The following TMF1 variants were observed in gnomAD, a reference collection of about 807,000 sequenced individuals.
The protein encoded by TMF1 is TATA element modulatory factor.
In TMF1, 71 loss-of-function variants were observed where a neutral mutation model predicts 126.5. That is an observed-to-expected ratio of 0.56 (90% confidence interval 0.46 to 0.68). TMF1 has a LOEUF of 0.68. Ranked by LOEUF, TMF1 falls within the 30% of genes least tolerant of loss-of-function variation. TMF1 has a pLI of 0.00. For synonymous variants in TMF1, 461 were observed against 430.5 expected (o/e 1.07, Z -0.88); for missense variants, 1,259 against 1,253.2 (o/e 1.00, Z -0.07).
At chr3:69,050,662 C>A (rs1325407163) in intron 1 of TMF1, among the ~76,000 whole-genome samples, 3 of 152,138 alleles carry the variant, frequency 2.0e-5, no homozygotes, top group Non-Finnish European at 2.9e-5. Context: ...TATGAAAAAA[C>A]AGAGTTACTC....
In TMF1 at chr3:69,021,867, G is replaced by C. The variant is rs1006280408; in HGVS notation, c.*1310C>G. 1 of 152,170 alleles carries C rather than the reference G, an allele frequency of 6.6e-6. No individual in the cohort carries two copies. Among genetic ancestry groups the C allele is most frequent in the African/African-American group, 2.4e-5 (1 of 41,426 alleles). 9.4% of individuals were successfully genotyped at this position (152,170 alleles called of 1,614,324 possible). A position where few individuals can be genotyped will look rare whatever the true frequency, so the allele number is the denominator to read the frequency against. ...GGCTAATTTTTGTATTTTTAGTAGA[G>C]ATGGGGTTTCACCAAACTGCTGGCC... On this transcript the variant is annotated 3_prime_UTR_variant, in exon 17 of 17. Transcript: ENST00000398559.
chr3:69,027,758 A>G, intron 13 of TMF1, 142 bp downstream of exon 13: 1 of 481,860 alleles, frequency 2.1e-6, no homozygotes, highest in Non-Finnish European at 3.7e-6. Flanking sequence ...GCTTCATTCA[A>G]AATCATCCTG....
In TMF1 at chr3:69,042,574, T is replaced by C. The variant is rs2091873178; in HGVS notation, c.1684+233A>G. On this transcript the variant is annotated intron_variant, in intron 5 of 16. Transcript: ENST00000398559. ...GGGCAGCACAAATTTCTGTCTATTT[T>C]ACAGGGACTTACTTTTCTTTTTACT... 3.2e-6 allele frequency: 2 copies of C among 620,724 alleles called. 1 individual carries two copies. Among genetic ancestry groups the C allele is most frequent in the Non-Finnish European group, 6.0e-6 (2 of 335,096 alleles). The allele number at this position is 620,724 out of a possible 1,614,324, so 38.5% of individuals were successfully genotyped here. A position where few individuals can be genotyped will look rare whatever the true frequency, so the allele number is the denominator to read the frequency against.
At chr3:69,043,663 T>C (rs2091879707) in intron 4 of TMF1, 87 bp downstream of exon 4, 1 of 1,276,872 alleles carries the variant, frequency 7.8e-7, no homozygotes, top group East Asian at 2.5e-5. Context: ...ACTTCTCTTT[T>C]TTCCAATATC....
At chr3:69,033,837 T>G (rs1485378679) in intron 9 of TMF1, 133 bp from the exon 10 acceptor site, 1 of 864,624 alleles carries the variant, frequency 1.2e-6, no homozygotes, top group Non-Finnish European at 1.7e-6. Flanking sequence ...TTAATTATTA[T>G]TATTAATTTT....
chr3:69,047,545 G>C lies in TMF1; in HGVS notation c.1160C>G (p.Pro387Arg). Reference protein sequence around the residue: ...SEEVNETLVIPTEEAEMEESG... With the variant: ...SEEVNETLVIRTEEAEMEESG... The stretch of plus-strand genomic sequence containing the variant: ...TTCTTCCATTTCTGCTTCCTCAGTG[G>C]GTATAACTAATGTTTCATTTACTTC... The change falls in exon 2 of 17, where the codon CCC becomes CGC. Residue 387 changes from proline to arginine, a missense_variant. Coordinates refer to ENST00000398559, the MANE Select transcript of TMF1 (RefSeq NM_007114.3). 6.2e-7 allele frequency: 1 copy of C among 1,613,968 alleles called. No homozygotes were observed. Among genetic ancestry groups the C allele is most frequent in the Non-Finnish European group, 8.5e-7 (1 of 1,180,000 alleles).
chr3:69,034,693 CAG>C (rs2091823017), intron 9 of TMF1, among the ~76,000 whole-genome samples: 1 of 152,116 alleles, frequency 6.6e-6, no homozygotes, highest in African/African-American at 2.4e-5. Flanking sequence ...TGAAAATTAA[CAG>C]AGGCATAGAA....
intron 8 of TMF1, among the ~76,000 whole-genome samples, chr3:69,035,713 T>A (rs1308722413): frequency 6.6e-6 from 1 of 152,144 alleles, no homozygotes; most frequent in African/African-American, 2.4e-5. Flanking sequence ...GTTGCAAATG[T>A]CGATACAACA....
chr3:69,046,556 G>A (rs2091897218), intron 2 of TMF1, among the ~76,000 whole-genome samples: 1 of 152,078 alleles, frequency 6.6e-6, no homozygotes, highest in African/African-American at 2.4e-5. Flanking sequence ...GCACTTACAG[G>A]ACATTTCTTC....
At chr3:69,037,534 C>T (rs534785503) in intron 8 of TMF1, among the ~76,000 whole-genome samples, 18 of 152,142 alleles carry the variant, frequency 1.2e-4, no homozygotes, top group African/African-American at 4.1e-4. Flanking sequence ...CCCAGCTACT[C>T]GGGAGGCTGA....
intron 7 of TMF1, 43 bp downstream of exon 7, chr3:69,038,800 A>G (rs1027035493): frequency 1.9e-6 from 3 of 1,585,914 alleles, no homozygotes; most frequent in Non-Finnish European, 2.6e-6. Flanking sequence ...TCCTACTCTG[A>G]TAATTCATTC....
At chr3:69,023,399 C>T in intron 16 of TMF1, 79 bp from the exon 17 acceptor site, 1 of 1,122,532 alleles carries the variant, frequency 8.9e-7, no homozygotes, top group Non-Finnish European at 1.3e-6. Flanking sequence ...TAGGAGTCAA[C>T]AATGAAAACA....
chr3:69,030,639 C>T (rs1266209242), intron 10 of TMF1: 1 of 152,012 alleles, frequency 6.6e-6, no homozygotes, highest in Non-Finnish European at 1.5e-5. Context: ...ACAGAAATTT[C>T]ACCATAGAGA....
rs2091723798 is a variant in TMF1, at chr3:69,020,503, T to C, written c.*2674A>G. The C allele has an allele frequency of 6.6e-6, 1 of 152,186 alleles. No homozygotes were observed. Among genetic ancestry groups the C allele is most frequent in the Admixed American group, 6.5e-5 (1 of 15,288 alleles). 9.4% of individuals were successfully genotyped at this position (152,186 alleles called of 1,614,324 possible). A position where few individuals can be genotyped will look rare whatever the true frequency, so the allele number is the denominator to read the frequency against. ...TTGAAAATGTTATTTGCAGCTTTTTTCTTTCAAGAATGGAAACATCTAATT... is the reference window on the plus strand; with the variant it reads ...TTGAAAATGTTATTTGCAGCTTTTTCCTTTCAAGAATGGAAACATCTAATT... On this transcript the variant is annotated 3_prime_UTR_variant, in exon 17 of 17. Transcript: ENST00000398559.
At chr3:69,034,846 T>C (rs948836310) in intron 9 of TMF1, 177 bp downstream of exon 9, 1 of 611,268 alleles carries the variant, frequency 1.6e-6, no homozygotes, top group South Asian at 2.0e-5. Flanking sequence ...GGAATTTCCT[T>C]GTATAATTTT....
rs1312417216 is a variant in TMF1 at position 69,029,893 on chromosome 3, C to G, written c.2516G>C (p.Arg839Thr). 3 of 1,613,982 alleles carry G rather than the reference C, an allele frequency of 1.9e-6. No individual in the cohort carries two copies. The highest frequency in any genetic ancestry group is 2.7e-5 in the African/African-American group (2 of 74,918). ...SSMESQNSLL[R>T]QENSRFQAQL... ...GGCTTGAAATCTACTGTTTTCCTGT[C>G]TTAAAAGAGAATTCTGTGACTCCAT... The change falls in exon 11 of 17, where the codon AGA becomes ACA. Residue 839 changes from arginine to threonine, a missense_variant. Transcript: ENST00000398559.
chr3:69,029,462 T>G (rs374845313), intron 11 of TMF1, among the ~76,000 whole-genome samples: 1 of 136,540 alleles, frequency 7.3e-6, no homozygotes, highest in Non-Finnish European at 1.6e-5. Flanking sequence ...TTTTTTTTTT[T>G]GAGACCGAGT....
chr3:69,030,930 A>G (rs1213449525), intron 10 of TMF1, among the ~76,000 whole-genome samples: 1 of 152,228 alleles, frequency 6.6e-6, no homozygotes, highest in Non-Finnish European at 1.5e-5. Context: ...TTAGGTTCAC[A>G]CTAAAACCTG....
At chr3:69,032,956 G>T (rs953313780) in intron 10 of TMF1, among the ~76,000 whole-genome samples, 3 of 151,950 alleles carry the variant, frequency 2.0e-5, no homozygotes, top group African/African-American at 7.3e-5. Flanking sequence ...TTCTAAGGTC[G>T]ATCTTGACTC....
Sources: allele counts gnomAD v4.1 joint callset (sites outside exome capture counted in the v4.1 genomes callset), GRCh38; gene constraint gnomAD v4.1.1; transcripts MANE v1.5; gene names NCBI Gene and HGNC (gene_info 2026-07-23, HGNC 2026-07-21).